Variants in DHRS9 observed in about 807,000 individuals in gnomAD.
The protein encoded by DHRS9 is dehydrogenase/reductase 9, also known as dehydrogenase/reductase SDR family member 9.
Under a neutral mutation model 26.6 loss-of-function variants are expected in DHRS9, and 18 were observed. The ratio of observed to expected loss-of-function variants is 0.68; its 90% confidence interval spans 0.47 to 1.00. The LOEUF (loss-of-function observed/expected upper bound fraction) is 1.00, where lower values mean the gene tolerates loss of function less well. Ranked by LOEUF, DHRS9 falls within the 50% of genes least tolerant of loss-of-function variation. The pLI is 0.00. For missense variants in DHRS9, 425 were observed against 378.7 expected (o/e 1.12, Z -1.01); for synonymous variants, 134 against 141.1 (o/e 0.95, Z 0.36).
chr2:169,077,353 A>G (rs1395185500), intron 1 of DHRS9, among the ~76,000 whole-genome samples: 1 of 152,230 alleles, frequency 6.6e-6, no homozygotes, highest in Non-Finnish European at 1.5e-5. Context: ...TTACAAAAGA[A>G]AACTACTGTA....
rs118064623 is a variant in DHRS9, at chr2:169,079,711, G to A, written c.-59-1812G>A. On this transcript the variant is annotated intron_variant, in intron 1 of 4. Transcript: ENST00000674881. ...TCTACTAAAAATACAAAAATTAGCC[G>A]GGTGCCTGTAATGGTGGCAGGTGCT... 2.2e-3 allele frequency among the ~76,000 whole-genome samples: 335 copies of A among 151,404 alleles called. 8 individuals are homozygous for A. In the East Asian group the frequency reaches 0.057, roughly 26 times the overall value.
chr2:169,083,620 A>T, intron 3 of DHRS9, 33 bp downstream of exon 3: 2 of 1,606,254 alleles, frequency 1.2e-6, no homozygotes, highest in Non-Finnish European at 1.7e-6. Flanking sequence ...TTAGGAAACA[A>T]TAGCTGCAAA....
chr2:169,069,055 A>T (rs1683726494), upstream of DHRS9, among the ~76,000 whole-genome samples: 2 of 152,140 alleles, frequency 1.3e-5, no homozygotes, highest in Non-Finnish European at 2.9e-5. Flanking sequence ...CATACCTTAA[A>T]ACATAAATTA....
At chr2:169,079,810 G>A (rs999659065) in intron 1 of DHRS9, among the ~76,000 whole-genome samples, 9 of 148,482 alleles carry the variant, frequency 6.1e-5, no homozygotes, top group East Asian at 2.0e-4. Flanking sequence ...GCAATGAGCC[G>A]AGATTGCACC....
intron 3 of DHRS9, among the ~76,000 whole-genome samples, chr2:169,085,159 G>A (rs887920860): frequency 6.6e-6 from 1 of 152,006 alleles, no homozygotes; most frequent in African/African-American, 2.4e-5. Context: ...GTATGGATTT[G>A]TTTCTGGGTT....
intron 4 of DHRS9, 148 bp downstream of exon 4, chr2:169,092,101 G>A: frequency 1.1e-6 from 1 of 940,318 alleles, no homozygotes; most frequent in Non-Finnish European, 1.5e-6. Context: ...ATTAATTTCA[G>A]TGTCATCTCT....
chr2:169,093,126 C>G (rs1684585739), intron 4 of DHRS9, among the ~76,000 whole-genome samples: 1 of 152,140 alleles, frequency 6.6e-6, no homozygotes, highest in Non-Finnish European at 1.5e-5. Flanking sequence ...TGACCTCCTG[C>G]TTTGAGTTGA....
At chr2:169,094,601 GA>G (rs1465458384) in intron 4 of DHRS9, among the ~76,000 whole-genome samples, 1 of 149,614 alleles carries the variant, frequency 6.7e-6, no homozygotes, top group Non-Finnish European at 1.5e-5. Flanking sequence ...GGATGGTCTT[GA>G]ACTCCCTGGG....
chr2:169,069,677 G>C lies in DHRS9; in HGVS notation c.-100G>C. ...AGGAAAGCTGCCATCAGCTGAGCAAGTCCACCAACAGTTTCTGTGTCCCAC... is the reference window on the plus strand; with the variant it reads ...AGGAAAGCTGCCATCAGCTGAGCAACTCCACCAACAGTTTCTGTGTCCCAC... On this transcript the variant is annotated 5_prime_UTR_variant, in exon 1 of 5. Coordinates refer to ENST00000674881, the MANE Select transcript of DHRS9 (RefSeq NM_001376924.1). 1.0e-6 allele frequency: 1 copy of C among 985,462 alleles called. No individual in the cohort carries two copies. The highest frequency in any genetic ancestry group is 1.2e-6 in the Non-Finnish European group (1 of 829,938). The allele number at this position is 985,462 out of a possible 1,614,324, so 61.0% of individuals were successfully genotyped here.
rs1318001141 is a variant in DHRS9, at chr2:169,083,603, C to T, written c.572+16C>T. The T allele has an allele frequency of 6.2e-7, 1 of 1,611,050 alleles. No individual in the cohort carries two copies. The highest frequency in any genetic ancestry group is 1.3e-5 in the African/African-American group (1 of 74,788). ...ACAGCTTAAGGTAAATCAAATTAAT[C>T]AACTTATTAGGAAACAATAGCTGCA... On this transcript the variant is annotated intron_variant, in intron 3 of 4. Transcript: ENST00000674881.
chr2:169,067,565 G>T (rs1330844699), upstream of DHRS9, among the ~76,000 whole-genome samples: 1 of 151,988 alleles, frequency 6.6e-6, no homozygotes, highest in African/African-American at 2.4e-5. Flanking sequence ...AAAATAAAAT[G>T]CACAGTGCAC....
At chr2:169,085,820 G>A (rs1454830574) in intron 3 of DHRS9, among the ~76,000 whole-genome samples, 1 of 152,162 alleles carries the variant, frequency 6.6e-6, no homozygotes, top group African/African-American at 2.4e-5. Flanking sequence ...CTGCAAACAA[G>A]GATAATTTGA....
intron 3 of DHRS9, among the ~76,000 whole-genome samples, chr2:169,090,608 T>TA (rs1684491009): frequency 6.6e-6 from 1 of 152,222 alleles, no homozygotes; most frequent in Admixed American, 6.5e-5. Flanking sequence ...ATAGAGCTTT[T>TA]AAAAATCTTA....
At chr2:169,083,682 G>A (rs1001590894) in intron 3 of DHRS9, 95 bp downstream of exon 3, 14 of 1,419,602 alleles carry the variant, frequency 9.9e-6, no homozygotes, top group African/African-American at 1.4e-5. Flanking sequence ...CTTTCAAAAA[G>A]TCTACCATAT....
intron 1 of DHRS9, chr2:169,074,380 G>C: frequency 1.2e-5 from 12 of 985,344 alleles, no homozygotes; most frequent in Non-Finnish European, 1.4e-5. Context: ...CTACTGCCTC[G>C]AGCCAAGAGA....
intron 4 of DHRS9, among the ~76,000 whole-genome samples, chr2:169,094,764 C>T (rs75994740): frequency 6.6e-6 from 1 of 151,966 alleles, no homozygotes; most frequent in African/African-American, 2.4e-5. Flanking sequence ...GTGTAAGATT[C>T]AGTTTCATTC....
intron 1 of DHRS9, among the ~76,000 whole-genome samples, chr2:169,073,798 A>T (rs1683881525): frequency 6.6e-6 from 1 of 152,220 alleles, no homozygotes; most frequent in Non-Finnish European, 1.5e-5. Context: ...CATCAATGTG[A>T]TACTACCAAG....
rs147534821 is a variant in DHRS9 at position 169,094,633 on chromosome 2, C to T, written c.737-911C>T. Among the ~76,000 whole-genome samples the T allele has an allele frequency of 8.8e-4, 134 of 151,888 alleles. 1 individual carries two copies. Among genetic ancestry groups the T allele is most frequent in the African/African-American group, 3.1e-3 (129 of 41,422 alleles). The stretch of plus-strand genomic sequence containing the variant: ...CTGGGATCAAGTGATCTTCCCACCT[C>T]AGCCTCCCAAAGTGCTGTAATTACA... On this transcript the variant is annotated intron_variant, in intron 4 of 4. Transcript: ENST00000674881.
intron 1 of DHRS9, among the ~76,000 whole-genome samples, chr2:169,078,840 T>TTTTTTTTTTTTTTTTTTTTTTG: frequency 1.1e-4 from 15 of 137,258 alleles, no homozygotes; most frequent in African/African-American, 4.4e-4. Context: ...TTTTTTTTTT[T>TTTTTTTTTTTTTTTTTTTTTTG]TGTGACAGAG....
Sources: allele counts gnomAD v4.1 joint callset (sites outside exome capture counted in the v4.1 genomes callset), GRCh38; gene constraint gnomAD v4.1.1; transcripts MANE v1.5; gene names NCBI Gene and HGNC (gene_info 2026-07-23, HGNC 2026-07-21).